Variants in RASSF5 observed in about 807,000 individuals in gnomAD.
RASSF5 encodes Ras association domain family member 5.
Under a neutral mutation model 40.5 loss-of-function variants are expected in RASSF5, and 25 were observed. The ratio of observed to expected loss-of-function variants is 0.62; its 90% CI spans 0.45 to 0.86. The LOEUF (loss-of-function observed/expected upper bound fraction) is 0.86. RASSF5 is among the 40% of genes least tolerant of loss of function. The probability of loss-of-function intolerance (pLI) is 0.00; values close to 1 mark genes in which losing one functional copy is unlikely to be tolerated. For synonymous variants in RASSF5, 246 were observed against 252.4 expected (o/e 0.97, Z 0.24); for missense variants, 521 against 572.8 (o/e 0.91, Z 0.92).
rs567530718 is a variant in RASSF5, at chr1:206,528,219, C to T, written c.458-9953C>T. 3.3e-5 allele frequency among the ~76,000 whole-genome samples: 5 copies of T among 151,772 alleles called. No homozygotes were observed. The South Asian group carries it at 1.0e-3, about 32-fold the overall frequency. ...AGCCTCATAAATATATATATAGCTA[C>T]TATGTACCCACAATTTTTTTAATTA... On this transcript the variant is annotated intron_variant, in intron 1 of 5. Transcript: ENST00000579436.
intron 2 of RASSF5, among the ~76,000 whole-genome samples, chr1:206,572,924 A>G (rs782760502): frequency 2.0e-5 from 3 of 152,220 alleles, no homozygotes; most frequent in African/African-American, 7.2e-5. Flanking sequence ...TCAAGGTCCC[A>G]TATTGGGTCC....
intron 2 of RASSF5, among the ~76,000 whole-genome samples, chr1:206,576,684 A>G (rs782423825): frequency 2.0e-5 from 3 of 152,230 alleles, no homozygotes; most frequent in Non-Finnish European, 4.4e-5. Context: ...GACTGGAGAA[A>G]TTGCATTGGG....
At position 206,566,623 on chromosome 1, in the gene RASSF5, G is replaced by A. The variant is rs539437892; in HGVS notation, c.580-16646G>A. Among the ~76,000 whole-genome samples the A allele has an allele frequency of 1.4e-4, 22 of 152,282 alleles. No homozygotes were observed. The East Asian group carries it at 1.9e-3, about 13-fold the overall frequency. ...AACTGAAGCTCCACCTATCCCCTCC[G>A]TTGGCTGGAGCACAGTGAAGAGGCA... On this transcript the variant is annotated intron_variant, in intron 2 of 5. Coordinates refer to ENST00000579436, the MANE Select transcript of RASSF5 (RefSeq NM_182663.4).
In RASSF5 at chr1:206,583,302, C is replaced by T; in HGVS notation, c.613C>T (p.Pro205Ser). ...TAAACCTGTGGAGGAGACACAGCGC[C>T]CGCCCACACTGCAGGAGATCAAGCA... is the stretch of plus-strand genomic sequence containing the variant. ...VCKPVEETQRPPTLQEIKQKI... is the reference protein window; with the variant it reads ...VCKPVEETQRSPTLQEIKQKI... Residue 205 changes from proline (P) to serine (S), a missense_variant, in exon 3 of 6, where the codon CCG becomes TCG. Coordinates refer to ENST00000579436, the MANE Select transcript of RASSF5 (RefSeq NM_182663.4). 1 of 1,613,828 alleles carries T rather than the reference C, an allele frequency of 6.2e-7. No individual in the cohort carries two copies. The highest frequency in any genetic ancestry group is 8.5e-7 in the Non-Finnish European group (1 of 1,179,808).
intron 2 of RASSF5, among the ~76,000 whole-genome samples, chr1:206,558,157 T>G (rs1340906127): frequency 6.6e-6 from 1 of 152,268 alleles, no homozygotes; most frequent in Non-Finnish European, 1.5e-5. Flanking sequence ...AGAAACCACC[T>G]TAAGTCGTAA....
chr1:206,515,337 AG>A (rs1666718933), intron 1 of RASSF5, among the ~76,000 whole-genome samples: 1 of 152,240 alleles, frequency 6.6e-6, no homozygotes. Context: ...CTTTAGAAAA[AG>A]GGTGAAGTTT....
At chr1:206,519,251 A>G (rs1553395769) in intron 1 of RASSF5, among the ~76,000 whole-genome samples, 1 of 152,202 alleles carries the variant, frequency 6.6e-6, no homozygotes, top group East Asian at 1.9e-4. Flanking sequence ...TTCCAATGAA[A>G]GGAAGCTGGG....
At chr1:206,537,200 T>C (rs1189599506) in intron 1 of RASSF5, among the ~76,000 whole-genome samples, 5 of 152,220 alleles carry the variant, frequency 3.3e-5, no homozygotes, top group Admixed American at 2.6e-4. Context: ...CTCTCTGGCC[T>C]CAGTTTCCCC....
chr1:206,509,445 T>C (rs1170472999), intron 1 of RASSF5, among the ~76,000 whole-genome samples: 2 of 152,236 alleles, frequency 1.3e-5, no homozygotes, highest in Non-Finnish European at 2.9e-5. Context: ...TAGAGGTACA[T>C]GTTGTGGGTA....
intron 2 of RASSF5, among the ~76,000 whole-genome samples, chr1:206,547,953 T>C (rs1667739250): frequency 6.6e-6 from 1 of 152,218 alleles, no homozygotes; most frequent in Non-Finnish European, 1.5e-5. Flanking sequence ...GTGGGTGTGC[T>C]GATGATGAGT....
In RASSF5 at chr1:206,584,768, G is replaced by A. The variant is rs1553407245; in HGVS notation, c.988+84G>A. 5.6e-6 allele frequency: 8 copies of A among 1,424,114 alleles called. No individual in the cohort carries two copies. Among genetic ancestry groups the A allele is most frequent in the South Asian group, 1.3e-5 (1 of 79,728 alleles). 88.2% of individuals were successfully genotyped at this position (1,424,114 alleles called of 1,614,324 possible). A position where few individuals can be genotyped will look rare whatever the true frequency, so the allele number is the denominator to read the frequency against. On this transcript the variant is annotated intron_variant, in intron 4 of 5. Coordinates refer to ENST00000579436, the MANE Select transcript of RASSF5 (RefSeq NM_182663.4). The surrounding 1 kb of genome is among the most constrained non-coding windows in gnomAD (Gnocchi z 4.9). The stretch of plus-strand genomic sequence containing the variant: ...CCACTAAAACTCCTGCCGGCCTTGG[G>A]TGGGAGCTGTGGGCTTCTCCTGAGC...
chr1:206,584,864 C>T lies in RASSF5; in HGVS notation c.988+180C>T. 4.5e-6 allele frequency: 3 copies of T among 665,118 alleles called. No homozygotes were observed. 41.2% of individuals were successfully genotyped at this position (665,118 alleles called of 1,614,324 possible). A position where few individuals can be genotyped will look rare whatever the true frequency, so the allele number is the denominator to read the frequency against. ...GGGCAGGGAGGCAAGAGCAGAGTCCCTGACTCTGCATGTGACTTCAGGAAA... is the reference window on the plus strand; with the variant it reads ...GGGCAGGGAGGCAAGAGCAGAGTCCTTGACTCTGCATGTGACTTCAGGAAA... On this transcript the variant is annotated intron_variant, in intron 4 of 5. Coordinates refer to ENST00000579436, the MANE Select transcript of RASSF5 (RefSeq NM_182663.4). This position sits in a 1 kb window ranked among gnomAD's most constrained non-coding sequence, Gnocchi z 4.9.
chr1:206,550,866 T>C (rs1322430187), intron 2 of RASSF5, among the ~76,000 whole-genome samples: 1 of 152,188 alleles, frequency 6.6e-6, no homozygotes, highest in Admixed American at 6.5e-5. Flanking sequence ...GGATTTTGTG[T>C]TGTACCCTGA....
At chr1:206,571,977 G>A (rs1350678560) in intron 2 of RASSF5, among the ~76,000 whole-genome samples, 2 of 152,138 alleles carry the variant, frequency 1.3e-5, no homozygotes, top group African/African-American at 4.8e-5. Context: ...GAGCTAAAAA[G>A]GGGGCTTCAT....
At chr1:206,512,202 G>T (rs1167434306) in intron 1 of RASSF5, among the ~76,000 whole-genome samples, 1 of 152,088 alleles carries the variant, frequency 6.6e-6, no homozygotes, top group Non-Finnish European at 1.5e-5. Flanking sequence ...CTCTAACTGG[G>T]ATCTTCTTCT....
chr1:206,508,373 G>T (rs577316408), intron 1 of RASSF5, among the ~76,000 whole-genome samples: 34 of 150,844 alleles, frequency 2.3e-4, no homozygotes, highest in Admixed American at 4.6e-4. Flanking sequence ...CAGGTTGTGG[G>T]GGGTGGGTGG....
intron 2 of RASSF5, among the ~76,000 whole-genome samples, chr1:206,562,280 G>A (rs1236128848): frequency 6.6e-6 from 1 of 152,142 alleles, no homozygotes. Flanking sequence ...GGCACACCCA[G>A]GCCTCAGGCA....
intron 2 of RASSF5, among the ~76,000 whole-genome samples, chr1:206,572,439 C>G (rs1007940787): frequency 6.6e-6 from 1 of 152,126 alleles, no homozygotes; most frequent in African/African-American, 2.4e-5. Flanking sequence ...CATGGTGCCC[C>G]TGGGATGCAG....
At position 206,588,656 on chromosome 1, in the gene RASSF5, C is replaced by T. The variant is rs1268815464; in HGVS notation, c.*1678C>T. The T allele has an allele frequency of 6.6e-6, 1 of 152,422 alleles. No homozygotes were observed. Among genetic ancestry groups the T allele is most frequent in the African/African-American group, 2.4e-5 (1 of 41,454 alleles). The allele number at this position is 152,422 out of a possible 1,614,324, so 9.4% of individuals were successfully genotyped here. On this transcript the variant is annotated 3_prime_UTR_variant, in exon 6 of 6. Transcript: ENST00000579436. ...CCTGATCCCAGAAGGAATGCTGACC[C>T]CTCGTCGTATGAACTGTGCATAGTC...
Sources: gnomAD v4.1 joint callset for allele counts (sites outside exome capture counted in the v4.1 genomes callset) on GRCh38, gnomAD v4.1.1 for gene constraint, Gnocchi (gnomAD v3.1) non-coding constraint, MANE v1.5 for transcripts, NCBI Gene and HGNC (gene_info 2026-07-23, HGNC 2026-07-21) for gene names.